The following KANK1 variants were observed in gnomAD, a reference collection of about 807,000 sequenced individuals.
KANK1 encodes KN motif and ankyrin repeat domains 1, also known as KN motif and ankyrin repeat domain-containing protein 1.
KANK1 carries 109 observed loss-of-function variants against 106.2 expected under a neutral mutation model. The ratio of observed to expected loss-of-function variants is 1.03; its 90% CI spans 0.88 to 1.20. The LOEUF is 1.20. Among genes scored for constraint, KANK1 ranks in the 50% most tolerant of loss-of-function variants. KANK1 has a pLI of 0.00. For synonymous variants in KANK1, 873 were observed against 652.2 expected (o/e 1.34, Z -5.16); for missense variants, 2,399 against 1,710.7 (o/e 1.40, Z -7.10).
chr9:588,600 G>T (rs930675078), intron 1 of KANK1, among the ~76,000 whole-genome samples: 3 of 151,934 alleles, frequency 2.0e-5, no homozygotes, highest in African/African-American at 7.3e-5. Flanking sequence ...AAAAGTGTTT[G>T]TTTTTAAAAA....
chr9:596,534 G>T lies in KANK1; in HGVS notation c.-83-80356G>T, dbSNP rs548879397. Among the ~76,000 whole-genome samples the T allele has an allele frequency of 7.4e-4, 113 of 151,742 alleles. 1 individual carries two copies. The highest frequency in any genetic ancestry group is 2.7e-3 in the Admixed American group (41 of 15,288). On this transcript the variant is annotated intron_variant, in intron 1 of 11. Coordinates refer to ENST00000382297, the MANE Select transcript of KANK1 (RefSeq NM_015158.5). The stretch of plus-strand genomic sequence containing the variant: ...GTGATTATTTACCACCCCTGGTTTT[G>T]AGTAGGTTTCCTTTTCCCCTGGCAA...
intron 1 of KANK1, among the ~76,000 whole-genome samples, chr9:616,013 C>G (rs922677143): frequency 7.9e-5 from 12 of 152,160 alleles, no homozygotes; most frequent in African/African-American, 2.9e-4. Context: ...AGGAAGGTTT[C>G]TCATATTAAG....
intron 1 of KANK1, among the ~76,000 whole-genome samples, chr9:573,869 G>T (rs1233282638): frequency 6.6e-6 from 1 of 152,196 alleles, no homozygotes; most frequent in Non-Finnish European, 1.5e-5. Flanking sequence ...AAGGTTTTCT[G>T]TTAGACTGGG....
rs1363001130 is a variant in KANK1, at chr9:504,713, G to GGAGC, written c.-115_-112dup. The GGAGC allele has an allele frequency of 2.6e-5, 4 of 151,278 alleles. No homozygotes were observed. Among genetic ancestry groups the GGAGC allele is most frequent in the Admixed American group, 1.3e-4 (2 of 15,174 alleles). The allele number at this position is 151,278 out of a possible 1,614,324, so 9.4% of individuals were successfully genotyped here. A position where few individuals can be genotyped will look rare whatever the true frequency, so the allele number is the denominator to read the frequency against. ...CTTCCCCGAGCTCCGGGTCCGCGGC[G>GGAGC]GAGCGAGCGAGCGGCCGGCAGGTTG... On this transcript the variant is annotated 5_prime_UTR_variant, in exon 1 of 12. Transcript: ENST00000382297.
intron 1 of KANK1, among the ~76,000 whole-genome samples, chr9:570,954 C>G (rs747010124): frequency 1.3e-5 from 2 of 152,034 alleles, no homozygotes; most frequent in Non-Finnish European, 2.9e-5. Flanking sequence ...ACATCATTTT[C>G]TTACTGTATA....
At chr9:607,314 C>T (rs755570208) in intron 1 of KANK1, among the ~76,000 whole-genome samples, 29 of 151,298 alleles carry the variant, frequency 1.9e-4, no homozygotes, top group African/African-American at 6.4e-4. Context: ...GGTGAGAACC[C>T]GTCTCTACTA....
intron 1 of KANK1, among the ~76,000 whole-genome samples, chr9:571,317 G>C (rs1218576469): frequency 6.6e-6 from 1 of 152,202 alleles, no homozygotes; most frequent in African/African-American, 2.4e-5. Context: ...AATTGCTAGA[G>C]GGTATGATAA....
intron 1 of KANK1, chr9:673,763 G>C (rs959357096): frequency 6.6e-6 from 1 of 152,042 alleles, no homozygotes; most frequent in Non-Finnish European, 1.5e-5. Flanking sequence ...TTCACCCCTA[G>C]CACATGCAGC....
At chr9:498,231 A>C (rs899536130) in intron 3 of KANK1, among the ~76,000 whole-genome samples, 3 of 152,218 alleles carry the variant, frequency 2.0e-5, no homozygotes, top group Non-Finnish European at 4.4e-5. Context: ...CACAATTCCA[A>C]GTATTTAGCA....
intron 2 of KANK1, among the ~76,000 whole-genome samples, chr9:704,461 T>G (rs1481750910): frequency 2.6e-5 from 4 of 152,214 alleles, no homozygotes; most frequent in African/African-American, 9.7e-5. Context: ...GGATTATTTC[T>G]GTGTTTCTTA....
At chr9:514,274 T>C (rs112034690) in intron 1 of KANK1, among the ~76,000 whole-genome samples, 3 of 82,456 alleles carry the variant, frequency 3.6e-5, no homozygotes, top group African/African-American at 2.7e-4. Context: ...CTCCCTTCCT[T>C]CCTTCCTTCC....
At chr9:703,407 C>T (rs928712353) in intron 2 of KANK1, among the ~76,000 whole-genome samples, 2 of 152,132 alleles carry the variant, frequency 1.3e-5, no homozygotes, top group African/African-American at 4.8e-5. Context: ...TCCTCTTACT[C>T]CTTCCACTGA....
At chr9:734,973 G>T in intron 7 of KANK1, 138 bp downstream of exon 7, 1 of 653,696 alleles carries the variant, frequency 1.5e-6, no homozygotes, top group Non-Finnish European at 2.7e-6. Flanking sequence ...AGTGGGCTGG[G>T]TAAACATCAT....
At chr9:505,401 C>A (rs2058706295) in intron 1 of KANK1, among the ~76,000 whole-genome samples, 1 of 152,210 alleles carries the variant, frequency 6.6e-6, no homozygotes, top group African/African-American at 2.4e-5. Flanking sequence ...CAACCCGGCG[C>A]GGGCAGCGTG....
chr9:590,761 A>G (rs993014985), intron 1 of KANK1, among the ~76,000 whole-genome samples: 1 of 151,766 alleles, frequency 6.6e-6, no homozygotes, highest in Non-Finnish European at 1.5e-5. Flanking sequence ...TGTAATTATT[A>G]AAGGTTGATG....
chr9:668,910 G>C (rs1169117537), intron 1 of KANK1, among the ~76,000 whole-genome samples: 1 of 152,070 alleles, frequency 6.6e-6, no homozygotes, highest in Non-Finnish European at 1.5e-5. Context: ...AATAGGGTTT[G>C]CACTCTTATG....
At chr9:741,813 G>T (rs936589613) in intron 9 of KANK1, among the ~76,000 whole-genome samples, 2 of 151,766 alleles carry the variant, frequency 1.3e-5, no homozygotes, top group South Asian at 4.2e-4. Context: ...TAGAGATGGG[G>T]TTTCAGTGTT....
intron 2 of KANK1, among the ~76,000 whole-genome samples, chr9:709,451 C>T (rs1825297909): frequency 6.6e-6 from 1 of 152,140 alleles, no homozygotes; most frequent in Non-Finnish European, 1.5e-5. Flanking sequence ...CCCAGGCCTC[C>T]TGGTTATGCT....
At chr9:643,229 CTG>C (rs773798832) in intron 1 of KANK1, among the ~76,000 whole-genome samples, 1 of 150,846 alleles carries the variant, frequency 6.6e-6, no homozygotes, top group Non-Finnish European at 1.5e-5. Flanking sequence ...TTGTGTGTGT[CTG>C]TATTTTCTAA....
Sources: gnomAD v4.1 joint callset for allele counts (sites outside exome capture counted in the v4.1 genomes callset) on GRCh38, gnomAD v4.1.1 for gene constraint, MANE v1.5 for transcripts, NCBI Gene and HGNC (gene_info 2026-07-23, HGNC 2026-07-21) for gene names.